The following CACNA2D3 variants were observed in gnomAD, a reference collection of about 807,000 sequenced individuals.
CACNA2D3 encodes the protein calcium voltage-gated channel auxiliary subunit alpha2delta 3.
CACNA2D3 carries 60 observed loss-of-function variants against 160.6 expected under a neutral mutation model. The ratio of observed to expected loss-of-function variants is 0.37; its 90% CI spans 0.30 to 0.46. CACNA2D3 has a LOEUF of 0.46. Among genes scored for constraint, CACNA2D3 ranks in the 20% least tolerant of loss-of-function variants. The pLI, the probability that CACNA2D3 is intolerant of heterozygous loss-of-function variation, is 1.00. For synonymous variants in CACNA2D3, 558 were observed against 492.9 expected (o/e 1.13, Z -1.75); for missense variants, 1,205 against 1,365.0 (o/e 0.88, Z 1.85).
At position 54,626,698 on chromosome 3, in the gene CACNA2D3, AAAAAAAAAAAAG is replaced by A. The variant is rs1392624108; in HGVS notation, c.964-1085_964-1074del. On this transcript the variant is annotated intron_variant, in intron 9 of 37. Transcript: ENST00000474759. The stretch of plus-strand genomic sequence containing the variant: ...ATGGTTCCAGTCAAAAAAAAAAAAA[AAAAAAAAAAAAG>A]AAAGAAAAAGAAAGGGGTTCGGAAT... 72 of 738,334 alleles carry A rather than the reference AAAAAAAAAAAAG, an allele frequency of 9.8e-5. No individual in the cohort carries two copies. In the African/African-American group the frequency reaches 1.1e-3, roughly 11 times the overall value. 45.7% of individuals were successfully genotyped at this position (738,334 alleles called of 1,614,324 possible).
chr3:54,711,655 C>A (rs1305179837), intron 11 of CACNA2D3, among the ~76,000 whole-genome samples: 2 of 152,200 alleles, frequency 1.3e-5, no homozygotes, highest in South Asian at 2.1e-4. Context: ...TGATTCCACA[C>A]TGGGACTTGG....
At chr3:55,049,313 C>G (rs1307694122) in intron 35 of CACNA2D3, among the ~76,000 whole-genome samples, 17 of 145,922 alleles carry the variant, frequency 1.2e-4, no homozygotes, top group Admixed American at 9.5e-4. Flanking sequence ...TCTTTGTTCT[C>G]GTTGGTTTCA....
At chr3:54,214,953 T>A (rs916724156) in intron 2 of CACNA2D3, among the ~76,000 whole-genome samples, 1 of 152,144 alleles carries the variant, frequency 6.6e-6, no homozygotes, top group African/African-American at 2.4e-5. Context: ...GGGAAAACAG[T>A]CTTGAATAAA....
chr3:54,937,682 A>G (rs992290649), intron 27 of CACNA2D3, among the ~76,000 whole-genome samples: 3 of 152,204 alleles, frequency 2.0e-5, no homozygotes, highest in Non-Finnish European at 4.4e-5. Context: ...TGTTATAGCC[A>G]GGCTGAAATC....
At position 54,286,952 on chromosome 3, in the gene CACNA2D3, A is replaced by G. The variant is rs190454935; in HGVS notation, c.205-33490A>G. Among the ~76,000 whole-genome samples the G allele has an allele frequency of 3.7e-3, 569 of 152,336 alleles. 3 individuals are homozygous for G. The Middle Eastern group carries it at 0.041, about 11-fold the overall frequency. On this transcript the variant is annotated intron_variant, in intron 2 of 37. Transcript: ENST00000474759. ...GCACTAAACATGGAAAGGAACAACCAGTACCAGCCACTGCAAAAACATGCC... is the reference window on the plus strand; with the variant it reads ...GCACTAAACATGGAAAGGAACAACCGGTACCAGCCACTGCAAAAACATGCC...
chr3:54,478,679 T>TATATATATATATATATATA (rs1559493334), intron 4 of CACNA2D3, among the ~76,000 whole-genome samples: 2 of 47,766 alleles, frequency 4.2e-5, no homozygotes, highest in African/African-American at 6.8e-5. Flanking sequence ...TATATATATA[T>TATATATATATATATATATA]TGCTTGTCAT....
chr3:54,379,411 T>A (rs1270030122), intron 3 of CACNA2D3, among the ~76,000 whole-genome samples: 1 of 152,234 alleles, frequency 6.6e-6, no homozygotes, highest in Non-Finnish European at 1.5e-5. Context: ...TCTATTGGAA[T>A]CGAAAAGTAA....
At chr3:54,935,643 G>A (rs1701309297) in intron 27 of CACNA2D3, among the ~76,000 whole-genome samples, 1 of 152,266 alleles carries the variant, frequency 6.6e-6, no homozygotes, top group East Asian at 1.9e-4. Context: ...TGAAATGAGT[G>A]TTTTTTGCAG....
chr3:54,472,062 C>T (rs184718102), intron 4 of CACNA2D3, among the ~76,000 whole-genome samples: 28 of 152,312 alleles, frequency 1.8e-4, no homozygotes, highest in Non-Finnish European at 4.0e-4. Flanking sequence ...CCAGCATCAT[C>T]CTGATACCAA....
chr3:54,551,133 A>T (rs1157451620), intron 5 of CACNA2D3, among the ~76,000 whole-genome samples: 1 of 152,056 alleles, frequency 6.6e-6, no homozygotes, highest in Non-Finnish European at 1.5e-5. Flanking sequence ...CCCATTTCTC[A>T]CCCCAGCCTC....
chr3:54,167,245 T>C (rs1700476485), intron 2 of CACNA2D3, among the ~76,000 whole-genome samples: 1 of 152,134 alleles, frequency 6.6e-6, no homozygotes, highest in Non-Finnish European at 1.5e-5. Context: ...CCAAACCAGG[T>C]ATATAGTTGA....
intron 3 of CACNA2D3, among the ~76,000 whole-genome samples, chr3:54,347,296 C>T (rs142593335): frequency 1.5e-3 from 224 of 152,276 alleles, no homozygotes; most frequent in East Asian, 0.012. Flanking sequence ...TCTGCCCAAC[C>T]GCAAATTTCC....
At chr3:54,370,086 TATAA>T (rs1374651731) in intron 3 of CACNA2D3, among the ~76,000 whole-genome samples, 1 of 152,244 alleles carries the variant, frequency 6.6e-6, no homozygotes, top group African/African-American at 2.4e-5. Flanking sequence ...TGAGGTGGGC[TATAA>T]ATAAACAGTA....
chr3:54,638,654 C>T (rs1199738945), intron 10 of CACNA2D3: 4 of 151,678 alleles, frequency 2.6e-5, no homozygotes, highest in Non-Finnish European at 5.9e-5. Context: ...AGATTTGGGA[C>T]GAGTTGCACT....
chr3:54,981,675 G>T (rs1197461242), intron 29 of CACNA2D3, among the ~76,000 whole-genome samples: 1 of 152,200 alleles, frequency 6.6e-6, no homozygotes, highest in African/African-American at 2.4e-5. Context: ...CTGGACCACA[G>T]CCCTGGGAGC....
intron 2 of CACNA2D3, among the ~76,000 whole-genome samples, chr3:54,268,620 G>A (rs1702562841): frequency 6.6e-6 from 1 of 152,136 alleles, no homozygotes; most frequent in African/African-American, 2.4e-5. Flanking sequence ...ATATTGGCCA[G>A]GGTGGTCTTG....
intron 13 of CACNA2D3, among the ~76,000 whole-genome samples, chr3:54,795,139 G>A (rs773065246): frequency 1.1e-4 from 16 of 151,968 alleles, no homozygotes; most frequent in Admixed American, 2.0e-4. Context: ...TCTTCAGGCC[G>A]ATTACTTCTT....
At chr3:54,234,950 A>G (rs917985656) in intron 2 of CACNA2D3, among the ~76,000 whole-genome samples, 1 of 152,152 alleles carries the variant, frequency 6.6e-6, no homozygotes, top group Non-Finnish European at 1.5e-5. Context: ...ATGTACAACA[A>G]ACCCCCAAGA....
At chr3:54,991,488 G>A (rs980680497) in intron 31 of CACNA2D3, among the ~76,000 whole-genome samples, 6 of 152,252 alleles carry the variant, frequency 3.9e-5, no homozygotes, top group Middle Eastern at 3.4e-3. Flanking sequence ...CTCCCAAAGT[G>A]CTAGGATTAC....
Sources: allele counts gnomAD v4.1 joint callset (sites outside exome capture counted in the v4.1 genomes callset), GRCh38; gene constraint gnomAD v4.1.1; transcripts MANE v1.5; gene names NCBI Gene and HGNC (gene_info 2026-07-23, HGNC 2026-07-21).